The following PLXNB1 variants were observed in gnomAD, a reference collection of about 807,000 sequenced individuals.
PLXNB1 encodes the protein plexin-B1.
Under a neutral mutation model 209.4 loss-of-function variants are expected in PLXNB1, and 106 were observed. That is an observed-to-expected ratio of 0.51 (90% CI 0.43 to 0.59). PLXNB1 has a LOEUF of 0.59. Among genes scored for constraint, PLXNB1 ranks in the 20% least tolerant of loss-of-function variants. The pLI is 0.00. For missense variants in PLXNB1, 2,357 were observed against 2,853.2 expected (o/e 0.83, Z 3.96); for synonymous variants, 1,167 against 1,183.2 (o/e 0.99, Z 0.28).
intron 21 of PLXNB1, 149 bp downstream of exon 21, chr3:48,414,650 C>T: frequency 9.4e-7 from 1 of 1,068,950 alleles, no homozygotes; most frequent in South Asian, 1.6e-5. Flanking sequence ...CCCCACCAGC[C>T]CCCTCTGCCC....
At chr3:48,414,711 C>T (rs1445827224) in intron 21 of PLXNB1, 88 bp downstream of exon 21, 13 of 1,499,738 alleles carry the variant, frequency 8.7e-6, no homozygotes, top group South Asian at 1.3e-5. Context: ...CCTTGCTCTA[C>T]TGTCTCGGCC....
Position 48,419,221 on chromosome 3 carries a change from A to G in PLXNB1, c.2832+23T>C, listed in dbSNP as rs777024698. The G allele has an allele frequency of 6.5e-7, 1 of 1,546,820 alleles. No individual in the cohort carries two copies. Among genetic ancestry groups the G allele is most frequent in the Admixed American group, 1.9e-5 (1 of 52,384 alleles). On this transcript the variant is annotated intron_variant, in intron 12 of 37. Transcript: ENST00000296440. The surrounding 1 kb of genome is among the most constrained non-coding windows in gnomAD (Gnocchi z 5.7). ...CAACAGCTAAGGAGGCTGCAAGGAC[A>G]GCGGCAGGCAGGACACACTGACCTG... is the stretch of plus-strand genomic sequence containing the variant.
In PLXNB1 at chr3:48,410,710, G is replaced by C; in HGVS notation, c.5417-152C>G. The C allele has an allele frequency of 1.1e-6, 1 of 940,478 alleles. No individual in the cohort carries two copies. The highest frequency in any genetic ancestry group is 1.6e-6 in the Non-Finnish European group (1 of 621,566). 58.3% of individuals were successfully genotyped at this position (940,478 alleles called of 1,614,324 possible). A position where few individuals can be genotyped will look rare whatever the true frequency, so the allele number is the denominator to read the frequency against. On this transcript the variant is annotated intron_variant, in intron 29 of 37. Coordinates refer to ENST00000296440, the MANE Select transcript of PLXNB1 (RefSeq NM_001130082.3). This position sits in a 1 kb window ranked among gnomAD's most constrained non-coding sequence, Gnocchi z 6.4. ...ACCAAGAGCAGGGACCCCCTCCCCA[G>C]ATGAGAGGCTGTCCAAGAAAGATGT...
In PLXNB1 at chr3:48,429,773, G is replaced by A. The variant is rs1324005555; in HGVS notation, c.-60+235C>T. Among the ~76,000 whole-genome samples, 4 of 152,056 alleles carry A rather than the reference G, an allele frequency of 2.6e-5. No individual in the cohort carries two copies. Among genetic ancestry groups the A allele is most frequent in the African/African-American group, 9.7e-5 (4 of 41,414 alleles). ...CTCACCTGCTCGCCTCCTTGGAACCGGAACTGGGAACTTTCCTGGTTGCCA... is the reference window on the plus strand; with the variant it reads ...CTCACCTGCTCGCCTCCTTGGAACCAGAACTGGGAACTTTCCTGGTTGCCA... On this transcript the variant is annotated intron_variant, in intron 1 of 37. Transcript: ENST00000296440. This position sits in a 1 kb window ranked among gnomAD's most constrained non-coding sequence, Gnocchi z 6.4.
Position 48,418,135 on chromosome 3 carries a change from C to A in PLXNB1, c.3222+56G>T. 1 of 1,608,226 alleles carries A rather than the reference C, an allele frequency of 6.2e-7. No individual in the cohort carries two copies. Reference sequence around the variant, plus strand: ...CCCCAACCTCCCACCTTTGGGCCCCCACACCCTCCCTCTAAGGGCAGCACT... The same window carrying A: ...CCCCAACCTCCCACCTTTGGGCCCCAACACCCTCCCTCTAAGGGCAGCACT... On this transcript the variant is annotated intron_variant, in intron 15 of 37. Transcript: ENST00000296440. This position sits in a 1 kb window ranked among gnomAD's most constrained non-coding sequence, Gnocchi z 6.6.
Position 48,418,662 on chromosome 3 carries a change from T to C in PLXNB1, c.2956-120A>G, listed in dbSNP as rs2038271369. 1.0e-5 allele frequency: 10 copies of C among 959,280 alleles called. No individual in the cohort carries two copies. In the South Asian group the frequency reaches 1.4e-4, roughly 13 times the overall value. The allele number at this position is 959,280 out of a possible 1,614,324, so 59.4% of individuals were successfully genotyped here. ...GGAGCATAGGGTCAGAGGGACCCCA[T>C]GGGGCCACAAGTTGGAGGGCAGAGC... On this transcript the variant is annotated intron_variant, in intron 13 of 37. Transcript: ENST00000296440. This position sits in a 1 kb window ranked among gnomAD's most constrained non-coding sequence, Gnocchi z 6.6.
At position 48,424,021 on chromosome 3, in the gene PLXNB1, G is replaced by A. The variant is rs751930881; in HGVS notation, c.591C>T (p.Ala197=). Residue 197 remains alanine, a synonymous_variant, in exon 3 of 38, where the codon GCC becomes GCT. Transcript: ENST00000296440. ...RALWPPDPQA[A]FSYEETAKLA... The stretch of plus-strand genomic sequence containing the variant: ...GCTTGGCTGTCTCCTCATAGGAGAA[G>A]GCAGCTTGGGGGTCGGGCGGCCACA... 1 of 1,609,194 alleles carries A rather than the reference G, an allele frequency of 6.2e-7. No individual in the cohort carries two copies. Among genetic ancestry groups the A allele is most frequent in the Non-Finnish European group, 8.5e-7 (1 of 1,177,214 alleles).
chr3:48,425,833 CACAG>C lies in PLXNB1; in HGVS notation c.-59-504_-59-501del, dbSNP rs201288397. Among the ~76,000 whole-genome samples, 24 of 149,156 alleles carry C rather than the reference CACAG, an allele frequency of 1.6e-4. No homozygotes were observed. The South Asian group carries it at 2.5e-3, about 16-fold the overall frequency. ...ACACACACACACACACACACACACA[CACAG>C]AGAGAGAGAGATGCAGATGCCATCT... On this transcript the variant is annotated intron_variant, in intron 1 of 37. Coordinates refer to ENST00000296440, the MANE Select transcript of PLXNB1 (RefSeq NM_001130082.3).
In PLXNB1 at chr3:48,406,889, T is replaced by G. The variant is rs764940590; in HGVS notation, c.6162A>C (p.Ala2054=). 5 of 1,613,132 alleles carry G rather than the reference T, an allele frequency of 3.1e-6. No homozygotes were observed. The African/African-American group carries it at 6.7e-5, about 22-fold the overall frequency. The change falls in exon 36 of 38, where the codon GCA becomes GCC. Residue 2054 remains alanine, a synonymous_variant. Coordinates refer to ENST00000296440, the MANE Select transcript of PLXNB1 (RefSeq NM_001130082.3). The surrounding 1 kb of genome is among the most constrained non-coding windows in gnomAD (Gnocchi z 4.4). ...RYKRMVERYY[A]DIRQTVPASD... ...TGGCTGGGACAGTCTGTCTGATGTC[T>G]GCATAGTACCTGCCAGAGAGCCAGG...
chr3:48,415,717 G>A lies in PLXNB1; in HGVS notation c.3660C>T (p.Ser1220=), dbSNP rs1393221197. 4 of 1,552,486 alleles carry A rather than the reference G, an allele frequency of 2.6e-6. No homozygotes were observed. Among genetic ancestry groups the A allele is most frequent in the Non-Finnish European group, 3.5e-6 (4 of 1,147,488 alleles). Residue 1220 remains serine, a synonymous_variant, in exon 19 of 38, where the codon AGC becomes AGT. Coordinates refer to ENST00000296440, the MANE Select transcript of PLXNB1 (RefSeq NM_001130082.3). The surrounding 1 kb of genome is among the most constrained non-coding windows in gnomAD (Gnocchi z 5.0). ...QQSEQLRCET[S]PRPTPATLPV... ...GGAGCGTGGCAGGCGTGGGGCGTGG[G>A]CTGGTCTCACACCGCAGTTGTTCTG...
rs781651127 is a variant in PLXNB1, at chr3:48,409,322, C to T, written c.6087+7G>A. On this transcript the variant is annotated splice_region_variant and intron_variant, in intron 34 of 37. Coordinates refer to ENST00000296440, the MANE Select transcript of PLXNB1 (RefSeq NM_001130082.3). The surrounding 1 kb of genome is among the most constrained non-coding windows in gnomAD (Gnocchi z 5.8). Reference sequence around the variant, plus strand: ...CATCCCCCCGTGTCCATCCCAGACTCGCTCACCCGGCCCAGCTTGTGGTCG... The same window carrying T: ...CATCCCCCCGTGTCCATCCCAGACTTGCTCACCCGGCCCAGCTTGTGGTCG... The T allele has an allele frequency of 1.5e-5, 24 of 1,613,858 alleles. No homozygotes were observed. The Admixed American group carries it at 3.2e-4, about 21-fold the overall frequency.
In PLXNB1 at chr3:48,412,571, G is replaced by T. The variant is rs1171425319; in HGVS notation, c.4904C>A (p.Ala1635Asp). The change falls in exon 26 of 38, where the codon GCC becomes GAC. Residue 1635 changes from alanine to aspartate, a missense_variant. Around this residue, in one of 7 missense-constraint regions of PLXNB1, gnomAD observed 743 missense variants for 896.2 expected, o/e 0.83. Transcript: ENST00000296440. ...SQRTFSARDR[A>D]YVASLLTVAL... ...CACGGTGAGCAGAGATGCCACGTAGGCACGGTCCCGAGCTGAAAAGGTGCG... is the reference window on the plus strand; with the variant it reads ...CACGGTGAGCAGAGATGCCACGTAGTCACGGTCCCGAGCTGAAAAGGTGCG... 6.2e-7 allele frequency: 1 copy of T among 1,613,602 alleles called. No homozygotes were observed. Among genetic ancestry groups the T allele is most frequent in the Admixed American group, 1.7e-5 (1 of 60,026 alleles).
chr3:48,410,769 C>T lies in PLXNB1; in HGVS notation c.5416+99G>A. On this transcript the variant is annotated intron_variant, in intron 29 of 37. Coordinates refer to ENST00000296440, the MANE Select transcript of PLXNB1 (RefSeq NM_001130082.3). The surrounding 1 kb of genome is among the most constrained non-coding windows in gnomAD (Gnocchi z 6.4). ...CAGCTTCTGCCTGCCTCCCAGCATC[C>T]TCCCCACCCTGAGTGATGAGTTGTC... The T allele has an allele frequency of 7.2e-6, 9 of 1,249,840 alleles. No homozygotes were observed. The highest frequency in any genetic ancestry group is 1.0e-5 in the Non-Finnish European group (9 of 899,200). The allele number at this position is 1,249,840 out of a possible 1,614,324, so 77.4% of individuals were successfully genotyped here.
chr3:48,419,120 A>C lies in PLXNB1; in HGVS notation c.2833-81T>G. On this transcript the variant is annotated intron_variant, in intron 12 of 37. Coordinates refer to ENST00000296440, the MANE Select transcript of PLXNB1 (RefSeq NM_001130082.3). This position sits in a 1 kb window ranked among gnomAD's most constrained non-coding sequence, Gnocchi z 5.7. ...CTGCAGGTCACCCAACAGATCCCCC[A>C]GCACAGCTTCTGGGTTGGAGTTGAG... 2 of 1,585,870 alleles carry C rather than the reference A, an allele frequency of 1.3e-6. No individual in the cohort carries two copies. Among genetic ancestry groups the C allele is most frequent in the Non-Finnish European group, 1.7e-6 (2 of 1,161,200 alleles).
rs1170726502 is a variant in PLXNB1 at position 48,422,313 on chromosome 3, C to T, written c.1419+18G>A. The T allele has an allele frequency of 1.9e-6, 3 of 1,610,820 alleles. No individual in the cohort carries two copies. The highest frequency in any genetic ancestry group is 2.5e-6 in the Non-Finnish European group (3 of 1,178,380). ...GCCCCTCCCAGCAGCCATGCCCTGG[C>T]TTGTGCCTGGCACTCACTGTGCTCT... On this transcript the variant is annotated intron_variant, in intron 5 of 37. Transcript: ENST00000296440.
chr3:48,416,480 C>T lies in PLXNB1; in HGVS notation c.3375-29G>A, dbSNP rs1204358681. ...TAGGCACAGGGCAGGCTAGGGGGTGCCAGGCTGCATCAAGGGCCCCTCAAG... is the reference window on the plus strand; with the variant it reads ...TAGGCACAGGGCAGGCTAGGGGGTGTCAGGCTGCATCAAGGGCCCCTCAAG... On this transcript the variant is annotated intron_variant, in intron 16 of 37. Transcript: ENST00000296440. The surrounding 1 kb of genome is among the most constrained non-coding windows in gnomAD (Gnocchi z 4.1). The T allele has an allele frequency of 6.6e-7, 1 of 1,523,610 alleles. No individual in the cohort carries two copies. The highest frequency in any genetic ancestry group is 1.2e-5 in the South Asian group (1 of 86,484). The allele number at this position is 1,523,610 out of a possible 1,614,324, so 94.4% of individuals were successfully genotyped here. A position where few individuals can be genotyped will look rare whatever the true frequency, so the allele number is the denominator to read the frequency against.
Position 48,420,971 on chromosome 3 carries a change from A to G in PLXNB1, c.1811-15T>C. 1 of 1,603,130 alleles carries G rather than the reference A, an allele frequency of 6.2e-7. No individual in the cohort carries two copies. The highest frequency in any genetic ancestry group is 2.2e-5 in the East Asian group (1 of 44,674). ...GGATACGTAGTCTGCAGAGGGGGAGAGAGGGCCAGGGTTAAGCAGCAAGGA... is the reference window on the plus strand; with the variant it reads ...GGATACGTAGTCTGCAGAGGGGGAGGGAGGGCCAGGGTTAAGCAGCAAGGA... On this transcript the variant is annotated splice_polypyrimidine_tract_variant and intron_variant, in intron 8 of 37. Coordinates refer to ENST00000296440, the MANE Select transcript of PLXNB1 (RefSeq NM_001130082.3).
chr3:48,410,594 A>C lies in PLXNB1; in HGVS notation c.5417-36T>G, dbSNP rs2037615821. 1 of 1,546,398 alleles carries C rather than the reference A, an allele frequency of 6.5e-7. No individual in the cohort carries two copies. Among genetic ancestry groups the C allele is most frequent in the Admixed American group, 1.7e-5 (1 of 59,850 alleles). ...AAGGCAGAACTGGGTGCAGGGCTGGAAGATACCCTTCCCATAGTGGAGCCC... is the reference window on the plus strand; with the variant it reads ...AAGGCAGAACTGGGTGCAGGGCTGGCAGATACCCTTCCCATAGTGGAGCCC... On this transcript the variant is annotated intron_variant, in intron 29 of 37. Coordinates refer to ENST00000296440, the MANE Select transcript of PLXNB1 (RefSeq NM_001130082.3). This position sits in a 1 kb window ranked among gnomAD's most constrained non-coding sequence, Gnocchi z 6.4.
intron 21 of PLXNB1, among the ~76,000 whole-genome samples, chr3:48,414,495 C>T (rs1213448381): frequency 6.6e-6 from 1 of 152,196 alleles, no homozygotes; most frequent in Non-Finnish European, 1.5e-5. Context: ...GGGGTCAGCC[C>T]GATGGCCTAT....
Sources: gnomAD v4.1 joint callset for allele counts (sites outside exome capture counted in the v4.1 genomes callset) on GRCh38, gnomAD v4.1.1 for gene constraint, gnomAD v4.1.1 regional missense constraint, Gnocchi (gnomAD v3.1) non-coding constraint, MANE v1.5 for transcripts, NCBI Gene and HGNC (gene_info 2026-07-23, HGNC 2026-07-21) for gene names.